Variants in SDC4 observed in about 807,000 individuals in gnomAD.
The protein encoded by SDC4 is syndecan-4.
SDC4 carries 17 observed loss-of-function variants against 20.5 expected under a neutral mutation model. The ratio of observed to expected loss-of-function variants is 0.83; its 90% confidence interval spans 0.57 to 1.25. The LOEUF is 1.25. Among genes scored for constraint, SDC4 ranks in the 50% most tolerant of loss-of-function variants. The probability of loss-of-function intolerance (pLI) is 0.00; values close to 1 mark genes in which losing one functional copy is unlikely to be tolerated. For synonymous variants in SDC4, 107 were observed against 105.3 expected (o/e 1.02, Z -0.10); for missense variants, 241 against 252.3 (o/e 0.96, Z 0.30).
Position 45,327,258 on chromosome 20 carries a change from C to G in SDC4, c.*6G>C. On this transcript the variant is annotated 3_prime_UTR_variant, in exon 5 of 5. Coordinates refer to ENST00000372733, the MANE Select transcript of SDC4 (RefSeq NM_002999.4). ...TAAAGTCCAAGCCAGTGCCCACAAG[C>G]AAGCTTCACGCGTAGAACTCATTGG... The G allele has an allele frequency of 1.2e-6, 2 of 1,614,058 alleles. No homozygotes were observed. Among genetic ancestry groups the G allele is most frequent in the Non-Finnish European group, 1.7e-6 (2 of 1,179,964 alleles).
At chr20:45,346,621 C>T (rs1236740724) in intron 1 of SDC4, among the ~76,000 whole-genome samples, 1 of 152,194 alleles carries the variant, frequency 6.6e-6, no homozygotes, top group African/African-American at 2.4e-5. Flanking sequence ...GGTGGTATCC[C>T]TTCGGATGCT....
intron 1 of SDC4, among the ~76,000 whole-genome samples, chr20:45,339,841 A>C (rs1376415712): frequency 6.6e-6 from 1 of 152,194 alleles, no homozygotes; most frequent in Non-Finnish European, 1.5e-5. Context: ...TAGAGATACT[A>C]CATTCTTCCC....
chr20:45,342,143 G>C (rs985674600), intron 1 of SDC4, among the ~76,000 whole-genome samples: 3 of 152,134 alleles, frequency 2.0e-5, no homozygotes, highest in Admixed American at 1.3e-4. Context: ...GGAGGCTCTC[G>C]GGATGTAAAC....
chr20:45,328,173 T>G (rs1271578765), intron 4 of SDC4, among the ~76,000 whole-genome samples: 1 of 152,170 alleles, frequency 6.6e-6, no homozygotes, highest in Non-Finnish European at 1.5e-5. Context: ...GTATGTACAT[T>G]CAAAGTGCAC....
At chr20:45,331,202 G>T (rs1055760374) in intron 3 of SDC4, among the ~76,000 whole-genome samples, 2 of 152,256 alleles carry the variant, frequency 1.3e-5, no homozygotes, top group East Asian at 3.9e-4. Flanking sequence ...GCACTGATTG[G>T]AGGACTTTGG....
At chr20:45,340,210 C>A (rs1987934882) in intron 1 of SDC4, among the ~76,000 whole-genome samples, 1 of 152,204 alleles carries the variant, frequency 6.6e-6, no homozygotes, top group Non-Finnish European at 1.5e-5. Context: ...GCTTCTATCA[C>A]CCCAGGAAAA....
chr20:45,330,486 TCTC>T lies in SDC4; in HGVS notation c.322_324del (p.Glu108del), dbSNP rs1267365080. 85 of 1,614,014 alleles carry T rather than the reference TCTC, an allele frequency of 5.3e-5. No individual in the cohort carries two copies. The highest frequency in any genetic ancestry group is 7.1e-5 in the Non-Finnish European group (84 of 1,180,028). On this transcript the variant is annotated inframe_deletion, in exon 4 of 5. Coordinates refer to ENST00000372733, the MANE Select transcript of SDC4 (RefSeq NM_002999.4). ...GAGATTCTCTTGGGGATAACCTCAT[TCTC>T]CTCTAGTTTCTTGGGTTCGGTGGGG... is the stretch of plus-strand genomic sequence containing the variant.
At chr20:45,334,000 C>CT (rs35204147) in intron 2 of SDC4, among the ~76,000 whole-genome samples, 6 of 146,338 alleles carry the variant, frequency 4.1e-5, no homozygotes, top group Non-Finnish European at 7.5e-5. Context: ...TCAAAATCTA[C>CT]TTTTTTTTTT....
chr20:45,329,294 G>A (rs1435562029), intron 4 of SDC4, among the ~76,000 whole-genome samples: 2 of 152,198 alleles, frequency 1.3e-5, no homozygotes, highest in African/African-American at 4.8e-5. Flanking sequence ...CCTAAAGCCT[G>A]GGCCTCAGTC....
intron 1 of SDC4, 90 bp downstream of exon 1, chr20:45,348,235 G>GGCCCCCCCCCCCCCC: frequency 1.1e-6 from 1 of 889,352 alleles, no homozygotes. Flanking sequence ...CCCCCGATCT[G>GGCCCCCCCCCCCCCC]CCCCCCCCCA....
At chr20:45,333,469 G>A (rs1461450100) in intron 2 of SDC4, among the ~76,000 whole-genome samples, 1 of 152,226 alleles carries the variant, frequency 6.6e-6, no homozygotes, top group Admixed American at 6.5e-5. Flanking sequence ...AGGAGATCGA[G>A]ACCAGCCTGG....
intron 2 of SDC4, among the ~76,000 whole-genome samples, chr20:45,333,439 C>T (rs1022950645): frequency 2.0e-5 from 3 of 152,234 alleles, no homozygotes; most frequent in South Asian, 2.1e-4. Context: ...GAGGCCAAGG[C>T]GGGCAGATCA....
At chr20:45,335,974 C>G (rs1356473046) in intron 1 of SDC4, 54 bp from the exon 2 acceptor site, 9 of 1,582,766 alleles carry the variant, frequency 5.7e-6, no homozygotes, top group Non-Finnish European at 7.7e-6. Flanking sequence ...TCCATGACAG[C>G]TGATGCCCAA....
intron 1 of SDC4, among the ~76,000 whole-genome samples, chr20:45,341,588 C>G (rs559485757): frequency 1.3e-5 from 2 of 152,210 alleles, no homozygotes; most frequent in Non-Finnish European, 1.5e-5. Context: ...TAAAAAGAAA[C>G]TACACACCAA....
At chr20:45,342,254 C>A (rs1199123042) in intron 1 of SDC4, among the ~76,000 whole-genome samples, 1 of 152,174 alleles carries the variant, frequency 6.6e-6, no homozygotes, top group Non-Finnish European at 1.5e-5. Context: ...CTCTTCCCAG[C>A]CTCCCTCACC....
chr20:45,347,105 C>T (rs557989040), intron 1 of SDC4, among the ~76,000 whole-genome samples: 5 of 152,186 alleles, frequency 3.3e-5, no homozygotes, highest in South Asian at 2.1e-4. Context: ...CCGACAAAGG[C>T]GCTCCACGTT....
chr20:45,337,851 A>T (rs1987896393), intron 1 of SDC4, among the ~76,000 whole-genome samples: 1 of 152,180 alleles, frequency 6.6e-6, no homozygotes, highest in African/African-American at 2.4e-5. Flanking sequence ...GGGAGTGGGG[A>T]GAATGCTGAA....
At chr20:45,334,637 C>T (rs1305977336) in intron 2 of SDC4, among the ~76,000 whole-genome samples, 2 of 151,800 alleles carry the variant, frequency 1.3e-5, no homozygotes, top group Admixed American at 1.3e-4. Context: ...TACAGGCACT[C>T]GACACCACAC....
chr20:45,332,550 G>T (rs1333945765), intron 3 of SDC4, among the ~76,000 whole-genome samples: 1 of 152,138 alleles, frequency 6.6e-6, no homozygotes, highest in South Asian at 2.1e-4. Context: ...CTGCAGGGAG[G>T]ATGGCCTACC....
Sources: allele counts gnomAD v4.1 joint callset (sites outside exome capture counted in the v4.1 genomes callset), GRCh38; gene constraint gnomAD v4.1.1; transcripts MANE v1.5; gene names NCBI Gene and HGNC (gene_info 2026-07-23, HGNC 2026-07-21).